The following HEPHL1 variants were observed in gnomAD, a reference collection of about 807,000 sequenced individuals.
HEPHL1 encodes the protein hephaestin like 1, also known as ferroxidase HEPHL1.
A neutral mutation model predicts 122.0 loss-of-function variants in HEPHL1; 123 were observed. The ratio of observed to expected loss-of-function variants is 1.01; its 90% CI spans 0.87 to 1.17. HEPHL1 has a LOEUF of 1.17. Among genes scored for constraint, HEPHL1 ranks in the 50% most tolerant of loss-of-function variants. HEPHL1 has a pLI of 0.00. For missense variants in HEPHL1, 1,452 were observed against 1,430.5 expected (o/e 1.01, Z -0.24); for synonymous variants, 527 against 508.9 (o/e 1.04, Z -0.48).
intron 2 of HEPHL1, among the ~76,000 whole-genome samples, chr11:94,054,427 G>T (rs1156553060): frequency 2.0e-5 from 3 of 152,072 alleles, no homozygotes; most frequent in Non-Finnish European, 4.4e-5. Flanking sequence ...TTCAACAGAA[G>T]CAGATTCTTC....
chr11:94,049,129 CA>C (rs35825154), intron 2 of HEPHL1, among the ~76,000 whole-genome samples: 141,705 of 151,358 alleles, frequency 0.94, 66,998 homozygotes, highest in Non-Finnish European at 1. Context: ...TCAAAAGAAA[CA>C]AAAAAAAACA....
intron 2 of HEPHL1, among the ~76,000 whole-genome samples, chr11:94,060,095 TA>T (rs1945972516): frequency 3.7e-5 from 5 of 135,950 alleles, no homozygotes; most frequent in African/African-American, 1.5e-4. Flanking sequence ...TATTTTATTA[TA>T]TATATATATA....
chr11:94,101,234 T>A lies in HEPHL1; in HGVS notation c.2474T>A (p.Ile825Asn). The change falls in exon 14 of 20, where the codon ATC becomes AAC. Residue 825 changes from isoleucine (I) to asparagine (N), a missense_variant. Ile to Asn is a moderately radical substitution (Grantham distance 149). Coordinates refer to ENST00000315765, the MANE Select transcript of HEPHL1 (RefSeq NM_001098672.2). ...IHAEVGNTVL[I>N]IFKNKASRPY... ...GCTGAGGTGGGCAACACCGTCCTGATCATATTTAAGAACAAAGCCAGTAGG... is the reference window on the plus strand; with the variant it reads ...GCTGAGGTGGGCAACACCGTCCTGAACATATTTAAGAACAAAGCCAGTAGG... The A allele has an allele frequency of 1.2e-6, 2 of 1,613,990 alleles. No homozygotes were observed. Among genetic ancestry groups the A allele is most frequent in the African/African-American group, 1.3e-5 (1 of 75,044 alleles).
In HEPHL1 at chr11:94,088,964, GA is replaced by G. The variant is rs1946241410; in HGVS notation, c.2293del (p.Arg765AspfsTer7). 1 of 1,613,820 alleles carries G rather than the reference GA, an allele frequency of 6.2e-7. No individual in the cohort carries two copies. The highest frequency in any genetic ancestry group is 1.7e-5 in the Admixed American group (1 of 60,014). On this transcript the variant is annotated frameshift_variant, in exon 12 of 20. Transcript: ENST00000315765. LOFTEE classifies it high-confidence loss of function. ...FEKQHVDARG[E>X]RHGDIFMNRT... ...AAAGCAGCACGTGGACGCAAGAGGG[GA>G]AAGGTACCACAGGCGCCGCCGCTAG...
At chr11:94,033,946 G>A (rs1306233447) in intron 1 of HEPHL1, among the ~76,000 whole-genome samples, 2 of 152,194 alleles carry the variant, frequency 1.3e-5, no homozygotes, top group Non-Finnish European at 2.9e-5. Context: ...GAGGAAGAGT[G>A]TGAGTCTACC....
intron 1 of HEPHL1, among the ~76,000 whole-genome samples, chr11:94,037,050 C>T (rs1244979981): frequency 6.6e-6 from 1 of 152,160 alleles, no homozygotes; most frequent in Non-Finnish European, 1.5e-5. Flanking sequence ...GGCATTGCCT[C>T]ACCTGGGAAG....
intron 1 of HEPHL1, among the ~76,000 whole-genome samples, chr11:94,035,674 A>G (rs1347988022): frequency 1.3e-5 from 2 of 152,180 alleles, no homozygotes; most frequent in African/African-American, 4.8e-5. Context: ...GCCAGAGCCT[A>G]TGACAAAGGC....
intron 11 of HEPHL1, 95 bp downstream of exon 11, chr11:94,086,284 C>T: frequency 2.3e-6 from 2 of 888,658 alleles, no homozygotes; most frequent in Non-Finnish European, 3.6e-6. Flanking sequence ...AGACTTTGTG[C>T]ACTTCAAGTG....
chr11:94,037,274 C>T (rs1041499401), intron 1 of HEPHL1, among the ~76,000 whole-genome samples: 38 of 152,028 alleles, frequency 2.5e-4, no homozygotes, highest in Middle Eastern at 3.4e-3. Context: ...AACTGCAAGG[C>T]GGCAGCGAGG....
At chr11:94,035,828 C>T (rs1945716018) in intron 1 of HEPHL1, among the ~76,000 whole-genome samples, 1 of 152,206 alleles carries the variant, frequency 6.6e-6, no homozygotes, top group African/African-American at 2.4e-5. Context: ...GCTCCGCCTC[C>T]TGGGTTCACG....
chr11:94,101,360 C>T, intron 14 of HEPHL1, 25 bp downstream of exon 14: 1 of 1,595,862 alleles, frequency 6.3e-7, no homozygotes. Context: ...AGGTCTGCTC[C>T]ATCTTGAAGA....
chr11:94,098,444 C>T (rs1294038638), intron 13 of HEPHL1, among the ~76,000 whole-genome samples: 1 of 152,214 alleles, frequency 6.6e-6, no homozygotes, highest in African/African-American at 2.4e-5. Context: ...CTGCCCATAA[C>T]ATTTTTTCCT....
chr11:94,064,319 T>G lies in HEPHL1; in HGVS notation c.629-12T>G. On this transcript the variant is annotated splice_polypyrimidine_tract_variant and intron_variant, in intron 3 of 19. Transcript: ENST00000315765. ...AGTTCTTTCTCTCTACTCTTTTGAA[T>G]GTGCCTGACAGGTATCCTGAATAGA... is the stretch of plus-strand genomic sequence containing the variant. The G allele has an allele frequency of 6.3e-7, 1 of 1,597,742 alleles. No homozygotes were observed.
intron 11 of HEPHL1, among the ~76,000 whole-genome samples, chr11:94,086,636 A>G (rs994046887): frequency 6.6e-6 from 1 of 152,182 alleles, no homozygotes; most frequent in African/African-American, 2.4e-5. Flanking sequence ...GTAGGTACTG[A>G]TAACAGCCTT....
At chr11:94,073,689 A>G (rs1946097626) in intron 8 of HEPHL1, among the ~76,000 whole-genome samples, 2 of 152,080 alleles carry the variant, frequency 1.3e-5, no homozygotes, top group South Asian at 4.2e-4. Flanking sequence ...GGAAATGTTC[A>G]TTTCTTTCTT....
chr11:94,088,736 C>G lies in HEPHL1; in HGVS notation c.2081-19C>G, dbSNP rs768361591. 6.3e-7 allele frequency: 1 copy of G among 1,595,986 alleles called. No individual in the cohort carries two copies. Among genetic ancestry groups the G allele is most frequent in the South Asian group, 1.1e-5 (1 of 89,786 alleles). On this transcript the variant is annotated intron_variant, in intron 11 of 19. Transcript: ENST00000315765. ...AAATACCGAGCACCACACTCAATGC[C>G]GAGCCATTTCTCTTGCAGGTATTTT...
At chr11:94,046,451 T>C (rs1945839855) in intron 2 of HEPHL1, among the ~76,000 whole-genome samples, 1 of 150,288 alleles carries the variant, frequency 6.7e-6, no homozygotes, top group Non-Finnish European at 1.5e-5. Context: ...TTCTTGCTCT[T>C]CTTTATGTTG....
intron 10 of HEPHL1, among the ~76,000 whole-genome samples, chr11:94,083,059 T>A (rs997656923): frequency 2.7e-5 from 4 of 147,768 alleles, no homozygotes; most frequent in South Asian, 4.2e-4. Context: ...CTGCACAGCC[T>A]GGGCGACAGA....
intron 2 of HEPHL1, among the ~76,000 whole-genome samples, chr11:94,060,092 TTATATA>T (rs1164147552): frequency 0.013 from 34 of 2,580 alleles, no homozygotes; most frequent in African/African-American, 0.015. Flanking sequence ...TCATATTTTA[TTATATA>T]TATATATATA....
Sources: gnomAD v4.1 joint callset for allele counts (sites outside exome capture counted in the v4.1 genomes callset) on GRCh38, gnomAD v4.1.1 for gene constraint, MANE v1.5 for transcripts, NCBI Gene and HGNC (gene_info 2026-07-23, HGNC 2026-07-21) for gene names.